KIF20B: variants seen among roughly 807,000 people sequenced by gnomAD.
KIF20B encodes kinesin family member 20B, also known as kinesin-like protein KIF20B.
Under a neutral mutation model 232.5 loss-of-function variants are expected in KIF20B, and 188 were observed. That is an observed-to-expected ratio of 0.81 (90% CI 0.72 to 0.91). The LOEUF (loss-of-function observed/expected upper bound fraction) is 0.91, where lower values mean the gene tolerates loss of function less well. Ranked by LOEUF, KIF20B falls within the 40% of genes least tolerant of loss-of-function variation. KIF20B has a pLI of 0.00. For synonymous variants in KIF20B, 712 were observed against 683.0 expected (o/e 1.04, Z -0.66); for missense variants, 2,154 against 2,055.9 (o/e 1.05, Z -0.92).
At position 89,749,614 on chromosome 10, in the gene KIF20B, C is replaced by T. The variant is rs1013362746; in HGVS notation, c.4097-1732C>T. On this transcript the variant is annotated intron_variant, in intron 23 of 32. Coordinates refer to ENST00000371728, the MANE Select transcript of KIF20B (RefSeq NM_001284259.2). ...TATCAGCCACTAATCTACTTTCTGT[C>T]TGTATGAATTTGCCTATTATGGACA... 5.7e-4 allele frequency among the ~76,000 whole-genome samples: 86 copies of T among 152,162 alleles called. 1 individual carries two copies. Among genetic ancestry groups the T allele is most frequent in the African/African-American group, 1.9e-3 (79 of 41,442 alleles).
chr10:89,710,753 T>C (rs1247459584), intron 5 of KIF20B, among the ~76,000 whole-genome samples: 2 of 152,226 alleles, frequency 1.3e-5, no homozygotes, highest in Non-Finnish European at 2.9e-5. Context: ...ATGTAAAGTT[T>C]CATGTTTACA....
intron 31 of KIF20B, among the ~76,000 whole-genome samples, chr10:89,769,315 G>A (rs577835993): frequency 6.6e-6 from 1 of 151,810 alleles, no homozygotes; most frequent in Non-Finnish European, 1.5e-5. Flanking sequence ...TCTGTTTTTG[G>A]TTGGGGCAGG....
At chr10:89,718,340 A>C (rs1424320174) in intron 11 of KIF20B, among the ~76,000 whole-genome samples, 4 of 151,896 alleles carry the variant, frequency 2.6e-5, no homozygotes, top group African/African-American at 9.7e-5. Flanking sequence ...CCTCATCTCT[A>C]CTAAAAATAA....
At chr10:89,760,701 A>G in intron 28 of KIF20B, 65 bp downstream of exon 28, 1 of 971,106 alleles carries the variant, frequency 1.0e-6, no homozygotes, top group South Asian at 1.4e-5. Context: ...AATAACACGT[A>G]CAAGTAAGTT....
At chr10:89,745,822 C>A in intron 22 of KIF20B, 77 bp from the exon 23 acceptor site, 2 of 920,636 alleles carry the variant, frequency 2.2e-6, no homozygotes, top group Non-Finnish European at 3.5e-6. Flanking sequence ...AATATTGAGC[C>A]CTGTTTTCAA....
intron 11 of KIF20B, among the ~76,000 whole-genome samples, chr10:89,718,370 G>C (rs1842978903): frequency 6.6e-6 from 1 of 152,144 alleles, no homozygotes; most frequent in South Asian, 2.1e-4. Context: ...AATTAACCAG[G>C]TGTGGTGGCA....
At chr10:89,748,903 A>G (rs1008582889) in intron 23 of KIF20B, among the ~76,000 whole-genome samples, 16 of 152,048 alleles carry the variant, frequency 1.1e-4, no homozygotes, top group Non-Finnish European at 2.1e-4. Flanking sequence ...TGTAACCTAC[A>G]TATGTTAAAA....
chr10:89,746,261 G>T (rs192473757), intron 23 of KIF20B, among the ~76,000 whole-genome samples: 371 of 152,286 alleles, frequency 2.4e-3, no homozygotes, highest in African/African-American at 8.2e-3. Flanking sequence ...AAGGACAGAG[G>T]GCTTTCTGTA....
In KIF20B at chr10:89,733,177, G is replaced by A. The variant is rs74995089; in HGVS notation, c.2545+121G>A. 9.4e-4 allele frequency: 923 copies of A among 978,514 alleles called. 7 individuals are homozygous for A. In the African/African-American group the frequency reaches 0.013, roughly 14 times the overall value. The allele number at this position is 978,514 out of a possible 1,614,324, so 60.6% of individuals were successfully genotyped here. Reference sequence around the variant, plus strand: ...GGAAAAATCTTGAGAAAATCTAAACGTCTTGAATTTTTATTCTGGAAAGTT... The same window carrying A: ...GGAAAAATCTTGAGAAAATCTAAACATCTTGAATTTTTATTCTGGAAAGTT... On this transcript the variant is annotated intron_variant, in intron 19 of 32. Coordinates refer to ENST00000371728, the MANE Select transcript of KIF20B (RefSeq NM_001284259.2).
Position 89,716,506 on chromosome 10 carries a change from G to C in KIF20B, c.1011G>C (p.Gln337His). 1 of 1,594,106 alleles carries C rather than the reference G, an allele frequency of 6.3e-7. No individual in the cohort carries two copies. The highest frequency in any genetic ancestry group is 1.3e-5 in the African/African-American group (1 of 74,124). ...YRLLKLGIKH[Q>H]SVAFTKLNNA... ...TTTTAAAACTAGGAATAAAGCACCA[G>C]AGTGTTGCCTTCACAAAATTGAATA... Residue 337 changes from glutamine to histidine, a missense_variant, in exon 9 of 33, where the codon CAG (glutamine) becomes CAC (histidine). Coordinates refer to ENST00000371728, the MANE Select transcript of KIF20B (RefSeq NM_001284259.2).
intron 2 of KIF20B, 72 bp from the exon 3 acceptor site, chr10:89,709,095 T>C (rs1384070297): frequency 5.1e-6 from 5 of 981,110 alleles, no homozygotes; most frequent in Non-Finnish European, 8.0e-6. Flanking sequence ...AAAGTAGCCA[T>C]GTTAAGGAAA....
intron 2 of KIF20B, among the ~76,000 whole-genome samples, chr10:89,706,095 A>G (rs1281084701): frequency 6.6e-6 from 1 of 152,204 alleles, no homozygotes; most frequent in Admixed American, 6.5e-5. Flanking sequence ...ACTGTTTTTC[A>G]AAGTGGCTAT....
rs1886996 is a variant in KIF20B at position 89,738,370 on chromosome 10, T to C, written c.3529T>C (p.Cys1177Arg). 1,207,996 of 1,608,090 alleles carry C rather than the reference T, an allele frequency of 0.75. 457,655 individuals are homozygous for C. The highest frequency in any genetic ancestry group is 0.94 in the East Asian group (41,886 of 44,748). Residue 1177 changes from cysteine to arginine, a missense_variant, in exon 20 of 33, where the codon TGT becomes CGT. Coordinates refer to ENST00000371728, the MANE Select transcript of KIF20B (RefSeq NM_001284259.2). The stretch of plus-strand genomic sequence containing the variant: ...AATTTTAGAGACTCAGAAAGTTGAA[T>C]GTAGTCATTCAGCCAAGTTAGAACA... ...ETILETQKVE[C>R]SHSAKLEQDI...
At position 89,714,942 on chromosome 10, in the gene KIF20B, C is replaced by CTTTTTCT. The variant is rs1554849158; in HGVS notation, c.713-8_713-7insCTTTTTT. The CTTTTTCT allele has an allele frequency of 3.0e-5, 43 of 1,427,446 alleles. No homozygotes were observed. In the Admixed American group the frequency reaches 9.3e-4, roughly 31 times the overall value. The allele number at this position is 1,427,446 out of a possible 1,614,324, so 88.4% of individuals were successfully genotyped here. On this transcript the variant is annotated splice_polypyrimidine_tract_variant and intron_variant, in intron 7 of 32. Transcript: ENST00000371728. ...ACTTTCGTGATTGTTTTTTCTTTTT[C>CTTTTTCT]TTTTTTTTGTAGGAAGTTTAACTAA...
Position 89,738,093 on chromosome 10 carries a change from A to G in KIF20B, c.3252A>G (p.Gln1084=), listed in dbSNP as rs550571714. ...ATCAGATTGAGGAACTGGAACAACA[A>G]ATTGAAAAATTGCAGGCAGAAGTAA... ...KSHQIEELEQ[Q]IEKLQAEVKG... is the part of the protein sequence containing the mutation. Residue 1084 remains glutamine (Q), a synonymous_variant, in exon 20 of 33, where the codon CAA becomes CAG. Transcript: ENST00000371728. The G allele has an allele frequency of 5.0e-6, 8 of 1,612,612 alleles. No homozygotes were observed. The African/African-American group carries it at 5.3e-5, about 11-fold the overall frequency.
rs554039801 is a variant in KIF20B at position 89,719,773 on chromosome 10, GCT to G, written c.1722+76_1722+77del. The G allele has an allele frequency of 1.2e-4, 152 of 1,296,340 alleles. No homozygotes were observed. The African/African-American group carries it at 2.1e-3, about 18-fold the overall frequency. 80.3% of individuals were successfully genotyped at this position (1,296,340 alleles called of 1,614,324 possible). A position where few individuals can be genotyped will look rare whatever the true frequency, so the allele number is the denominator to read the frequency against. Reference sequence around the variant, plus strand: ...TCTGAAGTTAAGGTTAAATCTTAAGGCTCTCTCTCTTCAGTTTTTTTCAACAG... The same window carrying G: ...TCTGAAGTTAAGGTTAAATCTTAAGGCTCTCTCTTCAGTTTTTTTCAACAG... On this transcript the variant is annotated intron_variant, in intron 13 of 32. Coordinates refer to ENST00000371728, the MANE Select transcript of KIF20B (RefSeq NM_001284259.2).
intron 12 of KIF20B, 62 bp from the exon 13 acceptor site, chr10:89,719,357 C>A: frequency 1.7e-6 from 2 of 1,157,826 alleles, no homozygotes; most frequent in Admixed American, 2.4e-5. Context: ...ATAAAATAAT[C>A]ATTTTCTAGT....
At chr10:89,768,476 C>T (rs1842406781) in intron 30 of KIF20B, 85 bp downstream of exon 30, 1 of 859,062 alleles carries the variant, frequency 1.2e-6, no homozygotes, top group Non-Finnish European at 1.9e-6. Flanking sequence ...CTTCTCTTTC[C>T]TATACATCTG....
chr10:89,772,643 A>G (rs1463811895), intron 31 of KIF20B, 46 bp from the exon 32 acceptor site: 1 of 1,242,082 alleles, frequency 8.1e-7, no homozygotes, highest in Non-Finnish European at 1.1e-6. Context: ...TCACCTTTGC[A>G]ATTAGAAAAT....
Sources: gnomAD v4.1 joint callset for allele counts (sites outside exome capture counted in the v4.1 genomes callset) on GRCh38, gnomAD v4.1.1 for gene constraint, MANE v1.5 for transcripts, NCBI Gene and HGNC (gene_info 2026-07-23, HGNC 2026-07-21) for gene names.